BAIAP2: variants seen among roughly 807,000 people sequenced by gnomAD.
BAIAP2 encodes the protein BAR/IMD domain-containing adapter protein 2.
Under a neutral mutation model 63.0 loss-of-function variants are expected in BAIAP2, and 18 were observed. The observed-to-expected ratio is 0.29, with a 90% confidence interval of 0.20 to 0.42. BAIAP2 has a LOEUF of 0.42. BAIAP2 is among the 10% of genes least tolerant of loss of function. The pLI, the probability that BAIAP2 is intolerant of heterozygous loss-of-function variation, is 1.00. For synonymous variants in BAIAP2, 386 were observed against 307.6 expected (o/e 1.25, Z -2.67); for missense variants, 610 against 734.3 (o/e 0.83, Z 1.96).
At chr17:81,064,378 G>A (rs555315764) in intron 3 of BAIAP2, among the ~76,000 whole-genome samples, 30 of 152,270 alleles carry the variant, frequency 2.0e-4, no homozygotes, top group African/African-American at 6.0e-4. Flanking sequence ...ACTGACTCCC[G>A]GCTAATCACT....
intron 13 of BAIAP2, chr17:81,109,960 A>G: frequency 1.0e-6 from 1 of 985,372 alleles, no homozygotes; most frequent in Non-Finnish European, 1.2e-6. Flanking sequence ...TGGGGGAAAC[A>G]GGCGGTTCCT....
intron 3 of BAIAP2, among the ~76,000 whole-genome samples, chr17:81,077,710 G>A (rs969272996): frequency 6.6e-5 from 10 of 152,276 alleles, no homozygotes; most frequent in African/African-American, 2.4e-4. Context: ...GTGGCTGTGG[G>A]AGCGGGTGCC....
chr17:81,092,095 C>T (rs80205718), intron 6 of BAIAP2, among the ~76,000 whole-genome samples: 1,929 of 152,322 alleles, frequency 0.013, 39 homozygotes, highest in African/African-American at 0.044. Context: ...GATGTGGGTT[C>T]CCTCAGCGAC....
At chr17:81,036,819 AATT>A in intron 1 of BAIAP2, 1 of 1,480,502 alleles carries the variant, frequency 6.8e-7, no homozygotes, top group Non-Finnish European at 9.1e-7. Context: ...AGGTTTATTA[AATT>A]ATTAGTCATT....
chr17:81,074,137 C>G (rs1340188939), intron 3 of BAIAP2, among the ~76,000 whole-genome samples: 1 of 152,222 alleles, frequency 6.6e-6, no homozygotes, highest in Non-Finnish European at 1.5e-5. Context: ...TGGTAACCTT[C>G]CTGTGTGTCA....
chr17:81,063,777 T>C (rs2050994404), intron 3 of BAIAP2: 1 of 152,376 alleles, frequency 6.6e-6, no homozygotes, highest in Non-Finnish European at 1.5e-5. Flanking sequence ...GTTCTTCCTC[T>C]TCAGCCCCGG....
At chr17:81,055,774 C>T (rs964528353) in intron 2 of BAIAP2, among the ~76,000 whole-genome samples, 1 of 151,824 alleles carries the variant, frequency 6.6e-6, no homozygotes, top group Non-Finnish European at 1.5e-5. Flanking sequence ...ACTGTGTTAG[C>T]CAGGATGGTC....
At chr17:81,108,933 G>A in intron 13 of BAIAP2, 2 of 1,541,254 alleles carry the variant, frequency 1.3e-6, no homozygotes, top group Non-Finnish European at 1.8e-6. Context: ...GCAGCGTCGT[G>A]CAGCCAGGCA....
intron 3 of BAIAP2, among the ~76,000 whole-genome samples, chr17:81,065,540 C>T (rs1024814607): frequency 6.6e-6 from 1 of 152,200 alleles, no homozygotes; most frequent in East Asian, 1.9e-4. Flanking sequence ...TGGAGGACAG[C>T]TGTCCAGTCT....
At chr17:81,098,348 G>A (rs1452634411) in intron 6 of BAIAP2, among the ~76,000 whole-genome samples, 1 of 151,582 alleles carries the variant, frequency 6.6e-6, no homozygotes, top group Non-Finnish European at 1.5e-5. Context: ...TTCCTCCCGA[G>A]GCTCACGTTG....
In BAIAP2 at chr17:81,104,623, C is replaced by T. The variant is rs35146688; in HGVS notation, c.1176C>T (p.Thr392=). ...IFSHAAGDNS[T]LLSFKEGDLI... ...CCCACGCTGCTGGGGACAACAGCAC[C>T]CTCCTGAGCTTCAAGGAGGGTGACC... The change falls in exon 10 of 14, where the codon ACC becomes ACT. Residue 392 remains threonine, a synonymous_variant. Transcript: ENST00000428708. The T allele has an allele frequency of 6.9e-4, 1,115 of 1,611,992 alleles. 7 individuals are homozygous for T. In the African/African-American group the frequency reaches 0.013, roughly 19 times the overall value.
At chr17:81,067,792 G>A (rs1258601813) in intron 3 of BAIAP2, among the ~76,000 whole-genome samples, 1 of 152,264 alleles carries the variant, frequency 6.6e-6, no homozygotes, top group Non-Finnish European at 1.5e-5. Flanking sequence ...GCCGGCCAGA[G>A]CAGGGAGGAC....
rs1454199342 is a variant in BAIAP2, at chr17:81,108,771, C to G, written c.1535+262C>G. 7.2e-6 allele frequency: 7 copies of G among 974,850 alleles called. No individual in the cohort carries two copies. In the East Asian group the frequency reaches 1.9e-4, roughly 26 times the overall value. 60.4% of individuals were successfully genotyped at this position (974,850 alleles called of 1,614,324 possible). On this transcript the variant is annotated intron_variant, in intron 13 of 13. Coordinates refer to ENST00000428708, the MANE Select transcript of BAIAP2 (RefSeq NM_001144888.2). The stretch of plus-strand genomic sequence containing the variant: ...TGTCAGGCAAGGTTGGGGAGGGTAG[C>G]TGAGGCTGGCATCCATGGCTGGGGC...
chr17:81,036,782 GT>G, intron 1 of BAIAP2: 1 of 1,246,434 alleles, frequency 8.0e-7, no homozygotes, highest in Non-Finnish European at 1.1e-6. Context: ...TTGTTGCTCT[GT>G]GGAAGCACAT....
chr17:81,086,995 T>G, intron 6 of BAIAP2: 1 of 181,690 alleles, frequency 5.5e-6, no homozygotes, highest in African/African-American at 2.4e-5. Flanking sequence ...TCGGTGTTGT[T>G]TCTCTCACCG....
intron 7 of BAIAP2, among the ~76,000 whole-genome samples, chr17:81,100,456 C>A (rs1568169866): frequency 6.6e-6 from 1 of 152,184 alleles, no homozygotes; most frequent in African/African-American, 2.4e-5. Flanking sequence ...GGTGGGACAC[C>A]TGGTGGGTGG....
At chr17:81,067,065 C>CT (rs2051611419) in intron 3 of BAIAP2, among the ~76,000 whole-genome samples, 1 of 152,260 alleles carries the variant, frequency 6.6e-6, no homozygotes, top group African/African-American at 2.4e-5. Flanking sequence ...ACAGCGGCGC[C>CT]TGCAGATGAG....
intron 2 of BAIAP2, 158 bp from the exon 3 acceptor site, chr17:81,057,723 C>T (rs2049828275): frequency 6.4e-6 from 9 of 1,404,224 alleles, no homozygotes; most frequent in Non-Finnish European, 8.3e-6. Flanking sequence ...GAGATGGGTT[C>T]TGTCCAACCC....
intron 3 of BAIAP2, among the ~76,000 whole-genome samples, chr17:81,064,556 A>C (rs1293285313): frequency 6.6e-6 from 1 of 152,178 alleles, no homozygotes; most frequent in Non-Finnish European, 1.5e-5. Context: ...GTGAGCTTTC[A>C]TGCTTCTGAA....
Sources: gnomAD v4.1 joint callset for allele counts (sites outside exome capture counted in the v4.1 genomes callset) on GRCh38, gnomAD v4.1.1 for gene constraint, MANE v1.5 for transcripts, NCBI Gene and HGNC (gene_info 2026-07-23, HGNC 2026-07-21) for gene names.